FBLN2: variants seen among roughly 807,000 people sequenced by gnomAD.
FBLN2 encodes fibulin-2.
FBLN2 carries 81 observed loss-of-function variants against 123.7 expected under a neutral mutation model. The observed-to-expected ratio is 0.65, with a 90% confidence interval of 0.55 to 0.79. FBLN2 has a LOEUF of 0.79. Ranked by LOEUF, FBLN2 falls within the 30% of genes least tolerant of loss-of-function variation. FBLN2 has a pLI of 0.00. For missense variants in FBLN2, 1,603 were observed against 1,681.3 expected, an observed-to-expected ratio of 0.95 and a Z score of 0.81; for synonymous variants, 699 against 701.4, an observed-to-expected ratio of 1.00 and a Z score of 0.05.
At chr3:13,595,459 C>T (rs572097822) in intron 2 of FBLN2, among the ~76,000 whole-genome samples, 44 of 152,264 alleles carry the variant, frequency 2.9e-4, no homozygotes, top group African/African-American at 9.9e-4. Flanking sequence ...TTCTGTCTGT[C>T]CATTTTACAG....
intron 2 of FBLN2, among the ~76,000 whole-genome samples, chr3:13,577,543 G>A (rs1484810111): frequency 1.3e-5 from 2 of 152,180 alleles, no homozygotes; most frequent in African/African-American, 4.8e-5. Flanking sequence ...TGAACAAAGG[G>A]GTGACACTGG....
intron 2 of FBLN2, among the ~76,000 whole-genome samples, chr3:13,581,223 G>C (rs539708416): frequency 1.4e-5 from 2 of 144,794 alleles, no homozygotes; most frequent in African/African-American, 5.3e-5. Flanking sequence ...GGTGGGGGGT[G>C]GGGGGGAGGT....
At chr3:13,607,435 GGGA>G (rs796430331) in intron 2 of FBLN2, among the ~76,000 whole-genome samples, 5 of 152,190 alleles carry the variant, frequency 3.3e-5, no homozygotes, top group South Asian at 2.1e-4. Context: ...GCTTAGGAGG[GGGA>G]GGAGGAGGAG....
At chr3:13,593,738 A>C (rs1311740535) in intron 2 of FBLN2, among the ~76,000 whole-genome samples, 1 of 142,434 alleles carries the variant, frequency 7.0e-6, no homozygotes, top group African/African-American at 2.6e-5. Flanking sequence ...AAAAAGTGGA[A>C]GATAATTGCC....
At chr3:13,609,673 G>A (rs1705325382) in intron 4 of FBLN2, 31 bp downstream of exon 4, 3 of 1,532,894 alleles carry the variant, frequency 2.0e-6, no homozygotes, top group Non-Finnish European at 2.6e-6. Flanking sequence ...TCAAGGCAGG[G>A]TGGGGTGGGG....
chr3:13,569,787 C>G (rs1703864023), intron 1 of FBLN2, among the ~76,000 whole-genome samples: 1 of 151,970 alleles, frequency 6.6e-6, no homozygotes, highest in South Asian at 2.1e-4. Context: ...TGGCTGGGGA[C>G]TGAGTCAAGG....
intron 1 of FBLN2, among the ~76,000 whole-genome samples, chr3:13,553,571 G>A (rs111252589): frequency 3.3e-5 from 5 of 152,236 alleles, no homozygotes; most frequent in Non-Finnish European, 2.9e-5. Flanking sequence ...CAAGCCGTGC[G>A]TCATTTTGTG....
intron 1 of FBLN2, among the ~76,000 whole-genome samples, chr3:13,565,326 G>A (rs927538889): frequency 2.6e-5 from 4 of 152,304 alleles, no homozygotes; most frequent in South Asian, 2.1e-4. Context: ...TCTCCACTCC[G>A]GTGGCAAAGC....
chr3:13,629,003 TGC>T lies in FBLN2; in HGVS notation c.2676_2677del (p.Gly893LeufsTer6). The T allele has an allele frequency of 3.1e-6, 5 of 1,613,438 alleles. No individual in the cohort carries two copies. Among genetic ancestry groups the T allele is most frequent in the East Asian group, 2.2e-5 (1 of 44,870 alleles). ...SYTCQRNPLI[C>X]ARGYHASDDG... Reference sequence around the variant, plus strand: ...CACATGCCAGAGGAACCCGCTGATCTGCGCGCGCGGCTACCACGCCAGCGATG... The same window carrying T: ...CACATGCCAGAGGAACCCGCTGATCTGCGCGCGGCTACCACGCCAGCGATG... On this transcript the variant is annotated frameshift_variant, in exon 12 of 18. Transcript: ENST00000404922. LOFTEE classifies it high-confidence loss of function.
In FBLN2 at chr3:13,621,878, C is replaced by G. The variant is rs202068616; in HGVS notation, c.2259C>G (p.Ala753=). 9 of 1,613,920 alleles carry G rather than the reference C, an allele frequency of 5.6e-6. No individual in the cohort carries two copies. In the South Asian group the frequency reaches 8.8e-5, roughly 16 times the overall value. Residue 753 remains alanine, a synonymous_variant, in exon 9 of 18, where the codon GCC becomes GCG. Coordinates refer to ENST00000404922, the MANE Select transcript of FBLN2 (RefSeq NM_001004019.2). ...GTGTCAACCACACAGTGCTCTGTGC[C>G]GATGGCTATATCCTCAATGCGCACA... The part of the protein sequence containing the change: ...FYCVNHTVLC[A]DGYILNAHRK...
At chr3:13,556,388 G>T (rs1018343105) in intron 1 of FBLN2, among the ~76,000 whole-genome samples, 4 of 152,108 alleles carry the variant, frequency 2.6e-5, no homozygotes, top group African/African-American at 9.7e-5. Context: ...GAGCTAGTGA[G>T]CTCTGGTCTT....
chr3:13,621,678 C>A, intron 8 of FBLN2, 97 bp from the exon 9 acceptor site: 1 of 1,372,006 alleles, frequency 7.3e-7, no homozygotes, highest in Non-Finnish European at 1.0e-6. Flanking sequence ...CAGGCCCCTG[C>A]CCCTTGCTGG....
chr3:13,615,029 C>T (rs538720001), intron 5 of FBLN2, among the ~76,000 whole-genome samples: 18 of 152,180 alleles, frequency 1.2e-4, no homozygotes, highest in African/African-American at 4.1e-4. Flanking sequence ...TCCATGCATC[C>T]ATCCTCGTTG....
intron 9 of FBLN2, among the ~76,000 whole-genome samples, chr3:13,623,226 G>A (rs557822869): frequency 5.9e-5 from 9 of 152,322 alleles, no homozygotes; most frequent in East Asian, 1.9e-4. Flanking sequence ...GTGTGTGTAC[G>A]TCTGGGAAGG....
chr3:13,623,142 G>A (rs373880454), intron 9 of FBLN2, among the ~76,000 whole-genome samples: 4 of 152,208 alleles, frequency 2.6e-5, no homozygotes, highest in Non-Finnish European at 5.9e-5. Context: ...TAGGCCTCTA[G>A]CCGTTGGCAC....
In FBLN2 at chr3:13,613,967, A is replaced by C; in HGVS notation, c.1549-17A>C. On this transcript the variant is annotated splice_polypyrimidine_tract_variant and intron_variant, in intron 4 of 17. Coordinates refer to ENST00000404922, the MANE Select transcript of FBLN2 (RefSeq NM_001004019.2). ...TGGGGCCAGAGATTGGGCAGTGATA[A>C]CTGTCTCTCCCTGCAGCAATGCTGT... 1 of 1,607,472 alleles carries C rather than the reference A, an allele frequency of 6.2e-7. No individual in the cohort carries two copies. Among genetic ancestry groups the C allele is most frequent in the Non-Finnish European group, 8.5e-7 (1 of 1,178,076 alleles).
At chr3:13,618,587 C>T (rs1705717766) in intron 6 of FBLN2, among the ~76,000 whole-genome samples, 1 of 152,212 alleles carries the variant, frequency 6.6e-6, no homozygotes, top group Admixed American at 6.5e-5. Context: ...AGTGCTGGGC[C>T]CATGGTGATC....
At chr3:13,603,694 T>C (rs1441198427) in intron 2 of FBLN2, among the ~76,000 whole-genome samples, 1 of 152,238 alleles carries the variant, frequency 6.6e-6, no homozygotes, top group Non-Finnish European at 1.5e-5. Context: ...CTGCAGTAAA[T>C]ATACGTGTGC....
chr3:13,574,903 A>G (rs1445247977), intron 2 of FBLN2, among the ~76,000 whole-genome samples: 3 of 152,144 alleles, frequency 2.0e-5, no homozygotes, highest in East Asian at 1.9e-4. Flanking sequence ...TGCTGCGTGC[A>G]CATGGCCGTG....
Sources: allele counts gnomAD v4.1 joint callset (sites outside exome capture counted in the v4.1 genomes callset), GRCh38; gene constraint gnomAD v4.1.1; transcripts MANE v1.5; gene names NCBI Gene and HGNC (gene_info 2026-07-23, HGNC 2026-07-21).